KLHL29: variants seen among roughly 807,000 people sequenced by gnomAD.
KLHL29 encodes kelch like family member 29, also known as kelch-like protein 29.
A neutral mutation model predicts 80.4 loss-of-function variants in KLHL29; 21 were observed. The observed-to-expected ratio is 0.26, with a 90% CI of 0.19 to 0.38. The LOEUF (loss-of-function observed/expected upper bound fraction) is 0.38, where lower values mean the gene tolerates loss of function less well. Among genes scored for constraint, KLHL29 ranks in the 10% least tolerant of loss-of-function variants. The probability of loss-of-function intolerance (pLI) is 1.00; values close to 1 mark genes in which losing one functional copy is unlikely to be tolerated. For synonymous variants in KLHL29, 511 were observed against 526.8 expected, an observed-to-expected ratio of 0.97 and a Z score of 0.41; for missense variants, 867 against 1,223.9, an observed-to-expected ratio of 0.71 and a Z score of 4.35.
At position 23,499,987 on chromosome 2, in the gene KLHL29, G is replaced by A. The variant is rs1381318907; in HGVS notation, c.-46+24320G>A. On this transcript the variant is annotated intron_variant, in intron 2 of 13. Coordinates refer to ENST00000486442, the MANE Select transcript of KLHL29 (RefSeq NM_052920.2). ...TTTGCTTTGGTTTTAGCGTTGTGAG[G>A]ATAATTAATTTACGTATGACCCTCC... Among the ~76,000 whole-genome samples the A allele has an allele frequency of 2.0e-5, 3 of 152,208 alleles. No homozygotes were observed. In the East Asian group the frequency reaches 5.8e-4, roughly 29 times the overall value.
At chr2:23,469,818 A>G (rs376607421) in intron 1 of KLHL29, among the ~76,000 whole-genome samples, 15 of 152,050 alleles carry the variant, frequency 9.9e-5, no homozygotes, top group Non-Finnish European at 1.8e-4. Context: ...AAGCTTTGGT[A>G]GGTCCAGTTG....
chr2:23,545,913 T>A (rs1666967972), intron 2 of KLHL29, among the ~76,000 whole-genome samples: 1 of 152,236 alleles, frequency 6.6e-6, no homozygotes, highest in South Asian at 2.1e-4. Flanking sequence ...GCCAGTCCTC[T>A]GCAGACCCCT....
intron 2 of KLHL29, among the ~76,000 whole-genome samples, chr2:23,533,125 GT>G (rs1166465019): frequency 6.6e-6 from 1 of 152,168 alleles, no homozygotes; most frequent in African/African-American, 2.4e-5. Flanking sequence ...ACGTAAAGTG[GT>G]TTGGAGATAT....
chr2:23,554,328 A>C (rs1047504693), intron 2 of KLHL29, among the ~76,000 whole-genome samples: 1 of 152,252 alleles, frequency 6.6e-6, no homozygotes, highest in Non-Finnish European at 1.5e-5. Context: ...ACTTGGCAGC[A>C]CGTCTCCCCC....
chr2:23,439,454 A>G (rs370283956), intron 1 of KLHL29, among the ~76,000 whole-genome samples: 2,802 of 149,210 alleles, frequency 0.019, 34 homozygotes, highest in Middle Eastern at 0.06. Context: ...ATTTAGTGCT[A>G]TAAATTTCCC....
intron 2 of KLHL29, among the ~76,000 whole-genome samples, chr2:23,540,666 G>A (rs1434179532): frequency 6.6e-6 from 1 of 152,234 alleles, no homozygotes; most frequent in Non-Finnish European, 1.5e-5. Flanking sequence ...AAAAGAAAAT[G>A]TGTTAACTCT....
chr2:23,526,616 C>A (rs1398232812), intron 2 of KLHL29, among the ~76,000 whole-genome samples: 3 of 152,288 alleles, frequency 2.0e-5, no homozygotes, highest in African/African-American at 7.2e-5. Flanking sequence ...AGTGACCTGG[C>A]CTCCTCATGG....
chr2:23,609,257 G>A (rs1457082515), intron 3 of KLHL29, among the ~76,000 whole-genome samples: 1 of 152,170 alleles, frequency 6.6e-6, no homozygotes, highest in African/African-American at 2.4e-5. Flanking sequence ...GCCTGCAGTG[G>A]CAGGGCACTG....
intron 1 of KLHL29, among the ~76,000 whole-genome samples, chr2:23,461,090 C>CATCT (rs1664196121): frequency 6.6e-6 from 1 of 152,212 alleles, no homozygotes; most frequent in Admixed American, 6.5e-5. Flanking sequence ...TAATCACCAA[C>CATCT]ATCTGTTAAG....
At chr2:23,608,020 C>T (rs1370231508) in intron 3 of KLHL29, among the ~76,000 whole-genome samples, 1 of 130,528 alleles carries the variant, frequency 7.7e-6, no homozygotes, top group Admixed American at 8.3e-5. Flanking sequence ...CTAGGGACCC[C>T]GGAATTGTCC....
intron 1 of KLHL29, among the ~76,000 whole-genome samples, chr2:23,458,114 C>T (rs887877094): frequency 3.3e-5 from 5 of 152,314 alleles, no homozygotes; most frequent in Admixed American, 2.0e-4. Flanking sequence ...CGTCAGTGCA[C>T]GTCTGCAGGT....
intron 1 of KLHL29, among the ~76,000 whole-genome samples, chr2:23,449,356 G>A (rs1663801231): frequency 1.3e-5 from 2 of 152,176 alleles, no homozygotes; most frequent in South Asian, 4.1e-4. Context: ...TGCCTAACAA[G>A]TCACCCTAAA....
At chr2:23,703,654 GAAAGA>G in intron 12 of KLHL29, 60 bp from the exon 13 acceptor site, 3 of 1,469,400 alleles carry the variant, frequency 2.0e-6, no homozygotes, top group Non-Finnish European at 2.7e-6. Context: ...GGTCTTCTGG[GAAAGA>G]AAAGGAGAGG....
intron 2 of KLHL29, among the ~76,000 whole-genome samples, chr2:23,482,540 A>G (rs1465676): frequency 0.26 from 38,864 of 152,122 alleles, 5,423 homozygotes; most frequent in African/African-American, 0.36. Flanking sequence ...GGAAAGCACC[A>G]TGTGTGCATC....
chr2:23,586,731 G>A (rs763487737), intron 3 of KLHL29, among the ~76,000 whole-genome samples: 32 of 152,164 alleles, frequency 2.1e-4, no homozygotes, highest in Non-Finnish European at 4.6e-4. Context: ...GTTGGGGAGG[G>A]AGAAGCCCTT....
At chr2:23,533,724 G>A (rs764845545) in intron 2 of KLHL29, among the ~76,000 whole-genome samples, 1 of 152,162 alleles carries the variant, frequency 6.6e-6, no homozygotes, top group South Asian at 2.1e-4. Flanking sequence ...GGGCATTTAC[G>A]CCAATGAAGA....
At chr2:23,405,916 A>T (rs1287938477) in intron 1 of KLHL29, among the ~76,000 whole-genome samples, 1 of 152,216 alleles carries the variant, frequency 6.6e-6, no homozygotes, top group East Asian at 1.9e-4. Flanking sequence ...GGGTTGTAGG[A>T]TTATAGTGGG....
intron 2 of KLHL29, among the ~76,000 whole-genome samples, chr2:23,531,844 C>T (rs1339786090): frequency 2.6e-5 from 4 of 152,240 alleles, no homozygotes; most frequent in Non-Finnish European, 5.9e-5. Flanking sequence ...TGTTCCTCAT[C>T]AGCAGACTGC....
rs544717586 is a variant in KLHL29, at chr2:23,518,944, T to A, written c.-45-43208T>A. 1.4e-4 allele frequency among the ~76,000 whole-genome samples: 22 copies of A among 152,320 alleles called. No individual in the cohort carries two copies. The East Asian group carries it at 4.2e-3, about 29-fold the overall frequency. On this transcript the variant is annotated intron_variant, in intron 2 of 13. Transcript: ENST00000486442. ...CTGCTTTCTCGGAAAAATGTTTTCT[T>A]TTTATTAGTGACTTCCCCCAGGCAA... is the stretch of plus-strand genomic sequence containing the variant.
Sources: allele counts gnomAD v4.1 joint callset (sites outside exome capture counted in the v4.1 genomes callset), GRCh38; gene constraint gnomAD v4.1.1; transcripts MANE v1.5; gene names NCBI Gene and HGNC (gene_info 2026-07-23, HGNC 2026-07-21).